The following TTC28 variants were observed in gnomAD, a reference collection of about 807,000 sequenced individuals.
TTC28 encodes the protein tetratricopeptide repeat domain 28, also known as tetratricopeptide repeat protein 28.
Under a neutral mutation model 198.0 loss-of-function variants are expected in TTC28, and 61 were observed. The observed-to-expected ratio is 0.31, with a 90% CI of 0.25 to 0.38. The LOEUF (loss-of-function observed/expected upper bound fraction) is 0.38, where lower values mean the gene tolerates loss of function less well. TTC28 is among the 10% of genes least tolerant of loss of function. The pLI is 1.00. For synonymous variants in TTC28, 1,171 were observed against 1,297.8 expected, an observed-to-expected ratio of 0.90 and a Z score of 2.10; for missense variants, 2,678 against 3,164.0, an observed-to-expected ratio of 0.85 and a Z score of 3.69.
Position 28,509,444 on chromosome 22 carries a change from A to C in TTC28, c.381+120108T>G, listed in dbSNP as rs772647850. Among the ~76,000 whole-genome samples, 7 of 152,368 alleles carry C rather than the reference A, an allele frequency of 4.6e-5. No homozygotes were observed. In the East Asian group the frequency reaches 9.6e-4, roughly 21 times the overall value. The stretch of plus-strand genomic sequence containing the variant: ...CTCCTGAATGACTCTTGGATAAATA[A>C]TGAAACTAAGAAAGAAATCAAGAAG... On this transcript the variant is annotated intron_variant, in intron 2 of 22. Transcript: ENST00000397906.
At chr22:28,415,314 T>C (rs2047151530) in intron 2 of TTC28, among the ~76,000 whole-genome samples, 1 of 152,048 alleles carries the variant, frequency 6.6e-6, no homozygotes, top group Non-Finnish European at 1.5e-5. Context: ...GACTATCCCT[T>C]GGAGGCATGC....
chr22:28,388,937 C>T (rs2046665157), intron 2 of TTC28, among the ~76,000 whole-genome samples: 1 of 152,256 alleles, frequency 6.6e-6, no homozygotes, highest in South Asian at 2.1e-4. Context: ...AGTGGGAATG[C>T]TTCCAGTTTT....
At chr22:28,538,414 C>T (rs746198448) in intron 2 of TTC28, among the ~76,000 whole-genome samples, 1 of 151,456 alleles carries the variant, frequency 6.6e-6, no homozygotes. Context: ...TATGGATAGA[C>T]TATCTGTGAT....
intron 1 of TTC28, among the ~76,000 whole-genome samples, chr22:28,662,727 G>A (rs1244963987): frequency 6.6e-6 from 1 of 152,072 alleles, no homozygotes; most frequent in Non-Finnish European, 1.5e-5. Flanking sequence ...GGAATTTGTG[G>A]CCAATTTCTT....
chr22:28,365,097 C>T (rs2046226867), intron 2 of TTC28, among the ~76,000 whole-genome samples: 1 of 152,166 alleles, frequency 6.6e-6, no homozygotes, highest in East Asian at 1.9e-4. Flanking sequence ...ACAGCCACCC[C>T]AACCTTCAGC....
At chr22:28,541,514 A>C (rs1267016706) in intron 2 of TTC28, among the ~76,000 whole-genome samples, 2 of 152,222 alleles carry the variant, frequency 1.3e-5, no homozygotes, top group Admixed American at 1.3e-4. Flanking sequence ...AAAAGAAAAC[A>C]ATAAAAACCA....
At chr22:28,222,448 A>C (rs1162481371) in intron 5 of TTC28, among the ~76,000 whole-genome samples, 1 of 152,230 alleles carries the variant, frequency 6.6e-6, no homozygotes, top group Non-Finnish European at 1.5e-5. Context: ...TGGTACCTTA[A>C]TGTCTAAAGC....
At chr22:28,018,422 C>A (rs182160098) in intron 13 of TTC28, among the ~76,000 whole-genome samples, 2 of 152,154 alleles carry the variant, frequency 1.3e-5, no homozygotes, top group South Asian at 2.1e-4. Flanking sequence ...AACCTGCAAC[C>A]GTGATTTGAG....
chr22:28,611,436 C>A (rs1188335092), intron 2 of TTC28, among the ~76,000 whole-genome samples: 1 of 151,398 alleles, frequency 6.6e-6, no homozygotes, highest in Non-Finnish European at 1.5e-5. Flanking sequence ...AAAGAATTTT[C>A]AACCCATAAT....
chr22:28,025,824 G>A (rs1319420072), intron 13 of TTC28, among the ~76,000 whole-genome samples: 5 of 152,104 alleles, frequency 3.3e-5, no homozygotes, highest in Non-Finnish European at 7.4e-5. Flanking sequence ...TAGTTATGAC[G>A]GCACCACTAT....
chr22:28,498,010 G>C (rs1053248548), intron 2 of TTC28, among the ~76,000 whole-genome samples: 2 of 152,116 alleles, frequency 1.3e-5, no homozygotes, highest in Non-Finnish European at 2.9e-5. Context: ...ACTGGGGTAA[G>C]GGCTAGAGTC....
chr22:28,271,836 C>T (rs1238353477), intron 5 of TTC28, among the ~76,000 whole-genome samples: 2 of 152,178 alleles, frequency 1.3e-5, no homozygotes, highest in African/African-American at 4.8e-5. Flanking sequence ...AACTCCTGAC[C>T]TTGTGATCCG....
At chr22:28,158,836 C>A (rs1943818131) in intron 6 of TTC28, among the ~76,000 whole-genome samples, 1 of 152,170 alleles carries the variant, frequency 6.6e-6, no homozygotes, top group Admixed American at 6.5e-5. Flanking sequence ...GAGAAAATCT[C>A]CAGGATATTG....
At position 27,993,378 on chromosome 22, in the gene TTC28, TGGG is replaced by T; in HGVS notation, c.5382_5384del (p.Pro1795del). Reference sequence around the variant, plus strand: ...AGACAGCCGCTGGCAGGCCACTGGTTGGGGGGTCCAGCCGGAAGCCCACAGCGG... The same window carrying T: ...AGACAGCCGCTGGCAGGCCACTGGTTGGGTCCAGCCGGAAGCCCACAGCGG... On this transcript the variant is annotated inframe_deletion, in exon 18 of 23. Coordinates refer to ENST00000397906, the MANE Select transcript of TTC28 (RefSeq NM_001145418.2). The T allele has an allele frequency of 1.9e-6, 3 of 1,551,044 alleles. No individual in the cohort carries two copies. Among genetic ancestry groups the T allele is most frequent in the East Asian group, 2.4e-5 (1 of 40,900 alleles).
At chr22:28,462,551 C>A (rs2047964508) in intron 2 of TTC28, among the ~76,000 whole-genome samples, 1 of 152,172 alleles carries the variant, frequency 6.6e-6, no homozygotes, top group Admixed American at 6.5e-5. Context: ...CTTTCCCCAT[C>A]CCCACCTTTC....
At chr22:28,022,146 G>A (rs1938633971) in intron 13 of TTC28, among the ~76,000 whole-genome samples, 1 of 152,230 alleles carries the variant, frequency 6.6e-6, no homozygotes, top group Admixed American at 6.5e-5. Flanking sequence ...TCTGCTCTCT[G>A]GGGAGCCGAA....
chr22:28,589,760 TCGGG>T (rs2050390097), intron 2 of TTC28, among the ~76,000 whole-genome samples: 1 of 151,978 alleles, frequency 6.6e-6, no homozygotes, highest in African/African-American at 2.4e-5. Context: ...CAGAAAACGG[TCGGG>T]CATGGTGGCT....
chr22:28,383,529 T>G (rs891798604), intron 2 of TTC28, among the ~76,000 whole-genome samples: 2 of 152,194 alleles, frequency 1.3e-5, no homozygotes, highest in Non-Finnish European at 2.9e-5. Flanking sequence ...TACTTCTAAC[T>G]CCCTTCCCCT....
intron 2 of TTC28, among the ~76,000 whole-genome samples, chr22:28,485,428 C>A (rs1429290754): frequency 6.6e-6 from 1 of 152,054 alleles, no homozygotes. Flanking sequence ...AAGGTATTTG[C>A]CTAATTCCTA....
Sources: allele counts gnomAD v4.1 joint callset (sites outside exome capture counted in the v4.1 genomes callset), GRCh38; gene constraint gnomAD v4.1.1; transcripts MANE v1.5; gene names NCBI Gene and HGNC (gene_info 2026-07-23, HGNC 2026-07-21).